SMYD3: variants seen among roughly 807,000 people sequenced by gnomAD.
SMYD3 encodes the protein histone-lysine N-methyltransferase SMYD3.
A neutral mutation model predicts 57.7 loss-of-function variants in SMYD3; 36 were observed. The observed-to-expected ratio is 0.62, with a 90% confidence interval of 0.48 to 0.82. The LOEUF is 0.82. Ranked by LOEUF, SMYD3 falls within the 40% of genes least tolerant of loss-of-function variation. The probability of loss-of-function intolerance (pLI) is 0.00; values close to 1 mark genes in which losing one functional copy is unlikely to be tolerated. For synonymous variants in SMYD3, 211 were observed against 195.0 expected, an observed-to-expected ratio of 1.08 and a Z score of -0.68; for missense variants, 515 against 538.8, an observed-to-expected ratio of 0.96 and a Z score of 0.44.
In SMYD3 at chr1:245,749,456, G is replaced by T; in HGVS notation, c.*107C>A. The T allele has an allele frequency of 1.2e-6, 1 of 815,852 alleles. No individual in the cohort carries two copies. Among genetic ancestry groups the T allele is most frequent in the Admixed American group, 2.3e-5 (1 of 42,890 alleles). 50.5% of individuals were successfully genotyped at this position (815,852 alleles called of 1,614,324 possible). On this transcript the variant is annotated 3_prime_UTR_variant, in exon 12 of 12. Transcript: ENST00000490107. ...TATTTACCTACACAAACACGGAACA[G>T]AATTTCCAATAGGAGAGGTTCACAC...
chr1:246,506,191 G>A (rs1249033136), intron 1 of SMYD3, among the ~76,000 whole-genome samples: 1 of 152,144 alleles, frequency 6.6e-6, no homozygotes, highest in South Asian at 2.1e-4. Context: ...CTTCTTCCTC[G>A]CACACAGAAG....
chr1:246,348,789 TA>T lies in SMYD3; in HGVS notation c.228+6241del, dbSNP rs2065770241. On this transcript the variant is annotated intron_variant, in intron 2 of 11. Coordinates refer to ENST00000490107, the MANE Select transcript of SMYD3 (RefSeq NM_001167740.2). ...AACAAATTAAATAAATTTGAAACAA[TA>T]AAAATAAATTTTTTTCTTTATAAAT... is the stretch of plus-strand genomic sequence containing the variant. 2.0e-4 allele frequency among the ~76,000 whole-genome samples: 4 copies of T among 19,918 alleles called. No individual in the cohort carries two copies. In the South Asian group the frequency reaches 0.013, roughly 62 times the overall value. 13.1% of individuals were successfully genotyped at this position (19,918 alleles called of 152,430 possible).
At chr1:246,047,925 T>C (rs2059998695) in intron 5 of SMYD3, among the ~76,000 whole-genome samples, 1 of 152,130 alleles carries the variant, frequency 6.6e-6, no homozygotes, top group Non-Finnish European at 1.5e-5. Context: ...CAGGGCATTT[T>C]TTAAAAAAAC....
At chr1:246,293,979 G>C (rs1401829998) in intron 5 of SMYD3, among the ~76,000 whole-genome samples, 1 of 152,078 alleles carries the variant, frequency 6.6e-6, no homozygotes, top group African/African-American at 2.4e-5. Context: ...CCTCCATGAA[G>C]TGCTTTTTCT....
intron 5 of SMYD3, among the ~76,000 whole-genome samples, chr1:245,995,549 C>T (rs1204832029): frequency 6.6e-6 from 1 of 152,256 alleles, no homozygotes; most frequent in Admixed American, 6.5e-5. Flanking sequence ...GTGCTCTTCT[C>T]TTTGCATTGC....
At chr1:246,362,059 CA>C (rs541927609) in intron 1 of SMYD3, among the ~76,000 whole-genome samples, 4 of 151,944 alleles carry the variant, frequency 2.6e-5, no homozygotes, top group Admixed American at 1.3e-4. Context: ...ACCGCCCCCA[CA>C]AAAAAATGTC....
intron 6 of SMYD3, among the ~76,000 whole-genome samples, chr1:245,928,794 A>G (rs2056548960): frequency 6.6e-6 from 1 of 152,168 alleles, no homozygotes; most frequent in Non-Finnish European, 1.5e-5. Context: ...GAACATCCAC[A>G]CTGAAAAATA....
At chr1:245,852,512 T>C (rs2051029467) in intron 10 of SMYD3, among the ~76,000 whole-genome samples, 1 of 152,198 alleles carries the variant, frequency 6.6e-6, no homozygotes, top group African/African-American at 2.4e-5. Flanking sequence ...GAGAAATCGG[T>C]CATAATGTTC....
chr1:245,782,397 A>T (rs915262190), intron 10 of SMYD3, among the ~76,000 whole-genome samples: 4 of 152,198 alleles, frequency 2.6e-5, no homozygotes, highest in African/African-American at 9.6e-5. Context: ...AGGGAAGAGT[A>T]AACGTTCATG....
chr1:246,268,443 T>C (rs1435525136), intron 5 of SMYD3, among the ~76,000 whole-genome samples: 1 of 152,098 alleles, frequency 6.6e-6, no homozygotes, highest in Non-Finnish European at 1.5e-5. Context: ...CTCACGCCTG[T>C]AAACCCAGCA....
At chr1:246,406,092 G>T (rs567935571) in intron 1 of SMYD3, among the ~76,000 whole-genome samples, 3 of 151,240 alleles carry the variant, frequency 2.0e-5, no homozygotes, top group Non-Finnish European at 4.4e-5. Flanking sequence ...GTTAAAATGG[G>T]ATTTTTTTTT....
chr1:245,946,851 G>A (rs1211892976), intron 5 of SMYD3, among the ~76,000 whole-genome samples: 2 of 152,120 alleles, frequency 1.3e-5, no homozygotes, highest in African/African-American at 4.8e-5. Flanking sequence ...AAACAAAAAT[G>A]TAAAAAACTC....
At chr1:246,307,028 T>A (rs1318178787) in intron 5 of SMYD3, among the ~76,000 whole-genome samples, 1 of 152,060 alleles carries the variant, frequency 6.6e-6, no homozygotes, top group African/African-American at 2.4e-5. Context: ...TTCAGAGCAA[T>A]ATATTCTGAG....
intron 1 of SMYD3, among the ~76,000 whole-genome samples, chr1:246,466,163 T>C (rs1020023280): frequency 6.6e-6 from 1 of 152,202 alleles, no homozygotes. Context: ...AGAACTATCA[T>C]TTGACCAGCA....
intron 5 of SMYD3, among the ~76,000 whole-genome samples, chr1:245,943,293 T>C (rs1339327245): frequency 7.5e-6 from 1 of 134,034 alleles, no homozygotes; most frequent in African/African-American, 2.9e-5. Context: ...CAATGAAAAA[T>C]GATAAAGGGG....
intron 8 of SMYD3, among the ~76,000 whole-genome samples, chr1:245,883,662 C>G (rs181047789): frequency 3.3e-5 from 5 of 152,260 alleles, no homozygotes; most frequent in African/African-American, 4.8e-5. Flanking sequence ...TTTAAAGCAG[C>G]CTTTACCCAT....
chr1:246,197,517 A>C (rs1397075349), intron 5 of SMYD3, among the ~76,000 whole-genome samples: 2 of 152,282 alleles, frequency 1.3e-5, no homozygotes, highest in South Asian at 4.1e-4. Context: ...CCTTCTTTCC[A>C]CGTAAGGTAC....
intron 5 of SMYD3, among the ~76,000 whole-genome samples, chr1:246,115,162 T>G (rs1052303190): frequency 4.0e-5 from 6 of 151,570 alleles, no homozygotes; most frequent in Non-Finnish European, 5.9e-5. Flanking sequence ...CTGCAGAAGG[T>G]CAGCCTTAAA....
At chr1:246,265,755 G>A (rs1291026199) in intron 5 of SMYD3, among the ~76,000 whole-genome samples, 1 of 152,178 alleles carries the variant, frequency 6.6e-6, no homozygotes, top group Non-Finnish European at 1.5e-5. Flanking sequence ...CTTCTCCTGT[G>A]AGAGCATCTT....
Sources: allele counts gnomAD v4.1 joint callset (sites outside exome capture counted in the v4.1 genomes callset), GRCh38; gene constraint gnomAD v4.1.1; transcripts MANE v1.5; gene names NCBI Gene and HGNC (gene_info 2026-07-23, HGNC 2026-07-21).